ME3: variants seen among roughly 807,000 people sequenced by gnomAD.
ME3 encodes the protein malic enzyme 3.
ME3 carries 48 observed loss-of-function variants against 68.9 expected under a neutral mutation model. The observed-to-expected ratio is 0.70, with a 90% CI of 0.55 to 0.89. ME3 has a LOEUF of 0.89. Ranked by LOEUF, ME3 falls within the 40% of genes least tolerant of loss-of-function variation. The pLI, the probability that ME3 is intolerant of heterozygous loss-of-function variation, is 0.00. For missense variants in ME3, 675 were observed against 797.4 expected (o/e 0.85, Z 1.85); for synonymous variants, 320 against 318.8 (o/e 1.00, Z -0.04).
intron 8 of ME3, chr11:86,457,883 A>T: frequency 9.6e-7 from 1 of 1,044,848 alleles, no homozygotes. Context: ...CATGCTGAAA[A>T]TGTAGTTTCT....
At chr11:86,664,538 C>T (rs1311527884) in intron 2 of ME3, among the ~76,000 whole-genome samples, 1 of 152,194 alleles carries the variant, frequency 6.6e-6, no homozygotes, top group Non-Finnish European at 1.5e-5. Flanking sequence ...CTCTTGTGTT[C>T]CGGGCACCCC....
chr11:86,640,895 C>G (rs1477289861), intron 2 of ME3, among the ~76,000 whole-genome samples: 2 of 152,114 alleles, frequency 1.3e-5, no homozygotes, highest in Admixed American at 6.5e-5. Context: ...AGGATCTCAT[C>G]TCCAGGATAT....
Position 86,670,577 on chromosome 11 carries a change from A to G in ME3, c.183+1185T>C, listed in dbSNP as rs1344599385. ...CCAAACAATTTAAGGTTTCTTTTGG[A>G]AAGAGCAGGACTCCAATGTGATAGA... On this transcript the variant is annotated intron_variant, in intron 2 of 14. Transcript: ENST00000543262. Among the ~76,000 whole-genome samples, 3 of 152,208 alleles carry G rather than the reference A, an allele frequency of 2.0e-5. No individual in the cohort carries two copies. The East Asian group carries it at 5.8e-4, about 29-fold the overall frequency.
At chr11:86,446,668 C>T (rs1467516145) in intron 12 of ME3, among the ~76,000 whole-genome samples, 181 bp from the exon 13 acceptor site, 4 of 152,252 alleles carry the variant, frequency 2.6e-5, no homozygotes, top group South Asian at 2.1e-4. Context: ...GCTCAGCCCT[C>T]ACCTGTTATC....
At chr11:86,671,843 G>A (rs1565308900) in exon 2 of ME3, 1 of 1,587,422 alleles carries the variant, frequency 6.3e-7, no homozygotes, top group Non-Finnish European at 8.5e-7. Flanking sequence ...GCTTGGAGTG[G>A]CAGCCTTGGG....
intron 7 of ME3, among the ~76,000 whole-genome samples, chr11:86,482,673 G>A (rs760187031): frequency 7.9e-5 from 12 of 151,384 alleles, no homozygotes; most frequent in Admixed American, 4.0e-4. Flanking sequence ...AAGAAGGCCT[G>A]GCAGCTTCCA....
At chr11:86,664,877 A>C (rs1056949033) in intron 2 of ME3, among the ~76,000 whole-genome samples, 1 of 152,214 alleles carries the variant, frequency 6.6e-6, no homozygotes, top group African/African-American at 2.4e-5. Flanking sequence ...AGCTGGAGAT[A>C]AACAGTTAAT....
At chr11:86,524,410 A>AT (rs945740251) in intron 4 of ME3, among the ~76,000 whole-genome samples, 2 of 152,226 alleles carry the variant, frequency 1.3e-5, no homozygotes, top group African/African-American at 4.8e-5. Flanking sequence ...GTAGTCACAC[A>AT]TTTTTTTCCA....
intron 4 of ME3, among the ~76,000 whole-genome samples, chr11:86,548,024 C>G (rs1391548947): frequency 6.6e-6 from 1 of 152,194 alleles, no homozygotes; most frequent in Non-Finnish European, 1.5e-5. Context: ...GTAAGGAAAA[C>G]ATAATGTCTG....
At chr11:86,508,424 T>A (rs952789228) in intron 5 of ME3, among the ~76,000 whole-genome samples, 1 of 152,230 alleles carries the variant, frequency 6.6e-6, no homozygotes, top group Non-Finnish European at 1.5e-5. Flanking sequence ...GTTAGTCTTT[T>A]GTGCCTTTGG....
At chr11:86,551,432 C>T (rs1473401727) in intron 4 of ME3, among the ~76,000 whole-genome samples, 1 of 152,042 alleles carries the variant, frequency 6.6e-6, no homozygotes, top group Middle Eastern at 3.2e-3. Context: ...TGTGTGTGCC[C>T]CTCCTGGGTG....
At chr11:86,475,874 T>TATATATAGAGAGAG in intron 7 of ME3, among the ~76,000 whole-genome samples, 245 of 91,454 alleles carry the variant, frequency 2.7e-3, no homozygotes, top group Non-Finnish European at 4.3e-3. Context: ...TATATATATA[T>TATATATAGAGAGAG]AGAGAGAGAG....
At chr11:86,549,449 A>AAAG (rs1956551983) in intron 4 of ME3, among the ~76,000 whole-genome samples, 7 of 152,146 alleles carry the variant, frequency 4.6e-5, no homozygotes, top group African/African-American at 1.7e-4. Flanking sequence ...AGTCTAAACC[A>AAAG]TGGTATCCTT....
chr11:86,644,488 A>C (rs1246145744), intron 2 of ME3, among the ~76,000 whole-genome samples: 1 of 152,088 alleles, frequency 6.6e-6, no homozygotes, highest in East Asian at 1.9e-4. Context: ...GATTTTATGC[A>C]ATTTCCTTTT....
At chr11:86,559,773 T>C (rs1957112476) in exon 3 of ME3, 1 of 1,614,048 alleles carries the variant, frequency 6.2e-7, no homozygotes, top group Non-Finnish European at 8.5e-7. Flanking sequence ...AGGGCGGGAT[T>C]AGGCCGTGGA....
chr11:86,670,957 A>T (rs1397325011), intron 2 of ME3, among the ~76,000 whole-genome samples: 2 of 152,172 alleles, frequency 1.3e-5, no homozygotes, highest in Non-Finnish European at 2.9e-5. Flanking sequence ...TAATTTGAGG[A>T]GGTAGGGGGA....
At chr11:86,516,367 CTCTT>C (rs1419437253) in intron 4 of ME3, among the ~76,000 whole-genome samples, 16 of 122,028 alleles carry the variant, frequency 1.3e-4, no homozygotes, top group East Asian at 2.1e-4. Flanking sequence ...CTCTCTCTCT[CTCTT>C]TGTGTGTGTG....
At chr11:86,446,314 C>G (rs1949287270) in exon 13 of ME3, 3 of 1,613,806 alleles carry the variant, frequency 1.9e-6, no homozygotes, top group Non-Finnish European at 2.5e-6. Flanking sequence ...ACAGTGATAC[C>G]TCTGCTGTCA....
At chr11:86,562,710 C>T (rs1594459336) in intron 2 of ME3, among the ~76,000 whole-genome samples, 1 of 151,958 alleles carries the variant, frequency 6.6e-6, no homozygotes, top group African/African-American at 2.4e-5. Context: ...GGTACATGCG[C>T]AGGTTTGTTA....
Sources: gnomAD v4.1 joint callset for allele counts (sites outside exome capture counted in the v4.1 genomes callset) on GRCh38, gnomAD v4.1.1 for gene constraint, MANE v1.5 for transcripts, NCBI Gene and HGNC (gene_info 2026-07-23, HGNC 2026-07-21) for gene names.